The following LILRA5 variants were observed in gnomAD, a reference collection of about 807,000 sequenced individuals.
LILRA5 encodes the protein leukocyte immunoglobulin-like receptor subfamily A member 5.
LILRA5 carries 31 observed loss-of-function variants against 36.3 expected under a neutral mutation model. The observed-to-expected ratio is 0.85, with a 90% CI of 0.64 to 1.15. LILRA5 has a LOEUF of 1.15. Among genes scored for constraint, LILRA5 ranks in the 50% most tolerant of loss-of-function variants. The probability of loss-of-function intolerance (pLI) is 0.00; values close to 1 mark genes in which losing one functional copy is unlikely to be tolerated. For synonymous variants in LILRA5, 144 were observed against 144.8 expected (o/e 0.99, Z 0.04); for missense variants, 348 against 377.4 (o/e 0.92, Z 0.64).
In LILRA5 at chr19:54,312,613, C is replaced by G. The variant is rs1279298080; in HGVS notation, c.12G>C (p.Trp4Cys). MAP[W>C]SHPSAQLQPV... is the part of the protein sequence containing the mutation. ...GCTGCAGCTGTGCAGATGGATGAGA[C>G]CATGGTGCCTGGCAGGACAGAGAGA... The change falls in exon 2 of 7, where the codon TGG becomes TGC. Residue 4 changes from tryptophan to cysteine, a missense_variant. Physicochemically the swap from Trp to Cys is radical, Grantham distance 215. Transcript: ENST00000432233. The G allele has an allele frequency of 2.5e-6, 4 of 1,614,018 alleles. No homozygotes were observed. Among genetic ancestry groups the G allele is most frequent in the Non-Finnish European group, 3.4e-6 (4 of 1,179,982 alleles).
At chr19:54,312,828 C>G in intron 1 of LILRA5, 189 bp downstream of exon 1, 1 of 813,590 alleles carries the variant, frequency 1.2e-6, no homozygotes, top group South Asian at 1.6e-5. Flanking sequence ...GGTCTCCCTT[C>G]CCCGGGCCAC....
Position 54,307,506 on chromosome 19 carries a change from C to T in LILRA5, c.807G>A (p.Met269Ile). 1.2e-6 allele frequency: 2 copies of T among 1,614,036 alleles called. No individual in the cohort carries two copies. Among genetic ancestry groups the T allele is most frequent in the Non-Finnish European group, 1.7e-6 (2 of 1,179,964 alleles). ...CCACCAGGATCAAGCCGGCCATGCC[C>T]ATGCGGATGAGATTCTCTACTGCGT... is the stretch of plus-strand genomic sequence containing the variant. The part of the protein sequence containing the change: ...QDYAVENLIR[M>I]GMAGLILVVL... The change falls in exon 7 of 7, where the codon ATG becomes ATA. Residue 269 changes from methionine (M) to isoleucine (I), a missense_variant. Met to Ile is a conservative substitution (Grantham distance 10, BLOSUM62 1). Coordinates refer to ENST00000432233, the MANE Select transcript of LILRA5 (RefSeq NM_021250.4).
Position 54,312,344 on chromosome 19 carries a change from C to T in LILRA5, c.115G>A (p.Val39Met), listed in dbSNP as rs150282894. Residue 39 changes from valine (V) to methionine (M), a missense_variant, in exon 3 of 7, where the codon GTG becomes ATG. Physicochemically the swap from Val to Met is conservative, Grantham distance 21 (BLOSUM62 1). Coordinates refer to ENST00000432233, the MANE Select transcript of LILRA5 (RefSeq NM_021250.4). ...LGLSLGPRTH[V>M]QAGNLSKATL... is the part of the protein sequence containing the mutation. ...CTGGGGACAGACTCACCTGCCTGCA[C>T]GTGGGTCCTGGGGCCCAGACTCAGC... 53 of 1,614,098 alleles carry T rather than the reference C, an allele frequency of 3.3e-5. No individual in the cohort carries two copies. The African/African-American group carries it at 4.5e-4, about 14-fold the overall frequency.
intron 2 of LILRA5, 30 bp downstream of exon 2, chr19:54,312,507 G>A: frequency 1.2e-6 from 2 of 1,614,050 alleles, no homozygotes; most frequent in African/African-American, 1.3e-5. Context: ...CCAGACTAGG[G>A]TGCCCCTTCC....
Position 54,311,857 on chromosome 19 carries a change from C to T in LILRA5, c.409+7G>A, listed in dbSNP as rs764277704. The T allele has an allele frequency of 8.7e-6, 14 of 1,614,054 alleles. 1 individual carries two copies. The South Asian group carries it at 1.4e-4, about 16-fold the overall frequency. ...CCTGGAGCTGGGACCCCAGAGTGTC[C>T]TCTCACCTGTCACCACCAGCTCCAG... On this transcript the variant is annotated splice_region_variant and intron_variant, in intron 4 of 6. Transcript: ENST00000432233.
At chr19:54,311,001 G>C in intron 5 of LILRA5, 1 of 246,224 alleles carries the variant, frequency 4.1e-6, no homozygotes. Context: ...TGTCACCCAG[G>C]CTGGAGTGCA....
rs1246751735 is a variant in LILRA5, at chr19:54,307,346, C to A, written c.*67G>T. Reference sequence around the variant, plus strand: ...ATAGGCCTCAGATGGTCTTCCCGAACCTCCTAGGACCATCAGATTCGCTTC... The same window carrying A: ...ATAGGCCTCAGATGGTCTTCCCGAAACTCCTAGGACCATCAGATTCGCTTC... On this transcript the variant is annotated 3_prime_UTR_variant, in exon 7 of 7. Coordinates refer to ENST00000432233, the MANE Select transcript of LILRA5 (RefSeq NM_021250.4). The A allele has an allele frequency of 6.7e-7, 1 of 1,492,486 alleles. No individual in the cohort carries two copies. Among genetic ancestry groups the A allele is most frequent in the South Asian group, 1.4e-5 (1 of 71,612 alleles). 92.5% of individuals were successfully genotyped at this position (1,492,486 alleles called of 1,614,324 possible). A position where few individuals can be genotyped will look rare whatever the true frequency, so the allele number is the denominator to read the frequency against.
chr19:54,308,354 A>AATATAT (rs60172604), intron 5 of LILRA5: 14 of 18,490 alleles, frequency 7.6e-4, no homozygotes, highest in Admixed American at 1.6e-3. Flanking sequence ...TGTATATATA[A>AATATAT]ATATATATAT....
At chr19:54,312,972 C>T (rs1342942058) in intron 1 of LILRA5, 45 bp downstream of exon 1, 7 of 1,614,032 alleles carry the variant, frequency 4.3e-6, no homozygotes, top group Non-Finnish European at 5.9e-6. Context: ...GGGTCTCCCT[C>T]CCTCCTTCAG....
intron 5 of LILRA5, chr19:54,308,237 T>C (rs1194699296): frequency 5.9e-6 from 1 of 168,960 alleles, no homozygotes; most frequent in African/African-American, 2.4e-5. Flanking sequence ...CCTCACCTGG[T>C]GTTTCATCAT....
At chr19:54,307,835 T>G in intron 5 of LILRA5, 87 bp from the exon 6 acceptor site, 3 of 1,094,526 alleles carry the variant, frequency 2.7e-6, no homozygotes, top group Non-Finnish European at 4.2e-6. Flanking sequence ...ATTCTCCTAG[T>G]TCCCTGTGCC....
chr19:54,307,781 AG>A (rs917043733), intron 5 of LILRA5, 33 bp from the exon 6 acceptor site: 1 of 1,599,310 alleles, frequency 6.3e-7, no homozygotes, highest in Non-Finnish European at 8.6e-7. Context: ...GGGAAGGAGA[AG>A]TTCTTGAAGC....
At chr19:54,311,797 A>C in intron 4 of LILRA5, 67 bp downstream of exon 4, 2 of 1,612,080 alleles carry the variant, frequency 1.2e-6, no homozygotes, top group Non-Finnish European at 1.7e-6. Context: ...AAAGGGAGAC[A>C]CCCCTGAGAG....
rs1569144305 is a variant in LILRA5, at chr19:54,311,859, C to T, written c.409+5G>A. Reference sequence around the variant, plus strand: ...TGGAGCTGGGACCCCAGAGTGTCCTCTCACCTGTCACCACCAGCTCCAGGG... The same window carrying T: ...TGGAGCTGGGACCCCAGAGTGTCCTTTCACCTGTCACCACCAGCTCCAGGG... On this transcript the variant is annotated splice_donor_5th_base_variant and intron_variant, in intron 4 of 6. Coordinates refer to ENST00000432233, the MANE Select transcript of LILRA5 (RefSeq NM_021250.4). 2 of 1,614,186 alleles carry T rather than the reference C, an allele frequency of 1.2e-6. No individual in the cohort carries two copies. Among genetic ancestry groups the T allele is most frequent in the East Asian group, 4.5e-5 (2 of 44,872 alleles).
intron 1 of LILRA5, 42 bp from the exon 2 acceptor site, chr19:54,312,663 G>T: frequency 6.3e-7 from 1 of 1,580,664 alleles, no homozygotes; most frequent in Non-Finnish European, 8.7e-7. Flanking sequence ...CAGCTCGGAG[G>T]CTGGGTCCTT....
chr19:54,308,365 A>ATG (rs879719073), intron 5 of LILRA5: 1 of 21,902 alleles, frequency 4.6e-5, no homozygotes, highest in Non-Finnish European at 7.8e-5. Context: ...ATATATATAT[A>ATG]TATATATATA....
intron 6 of LILRA5, 39 bp from the exon 7 acceptor site, chr19:54,307,588 AGATCAG>A (rs1169965858): frequency 2.5e-6 from 4 of 1,613,790 alleles, no homozygotes; most frequent in Non-Finnish European, 3.4e-6. Context: ...AGGTCAGGGC[AGATCAG>A]TATCACCCAG....
rs2080891213 is a variant in LILRA5 at position 54,307,228 on chromosome 19, G to T, written c.*185C>A. The T allele has an allele frequency of 2.4e-6, 1 of 412,906 alleles. No individual in the cohort carries two copies. The highest frequency in any genetic ancestry group is 3.7e-6 in the Non-Finnish European group (1 of 273,662). The allele number at this position is 412,906 out of a possible 1,614,324, so 25.6% of individuals were successfully genotyped here. A position where few individuals can be genotyped will look rare whatever the true frequency, so the allele number is the denominator to read the frequency against. On this transcript the variant is annotated 3_prime_UTR_variant, in exon 7 of 7. Coordinates refer to ENST00000432233, the MANE Select transcript of LILRA5 (RefSeq NM_021250.4). ...CACTGCATTCCAGCCTGGTGACAGA[G>T]CAAGACTCCATCTCAAAAAAAAAAA... is the stretch of plus-strand genomic sequence containing the variant.
chr19:54,311,024 C>T (rs537980932), intron 5 of LILRA5: 55 of 300,902 alleles, frequency 1.8e-4, no homozygotes, highest in African/African-American at 9.2e-4. Flanking sequence ...GACACAGTCT[C>T]GGCTCACTGC....
Sources: gnomAD v4.1 joint callset for allele counts on GRCh38, gnomAD v4.1.1 for gene constraint, MANE v1.5 for transcripts, NCBI Gene and HGNC (gene_info 2026-07-23, HGNC 2026-07-21) for gene names.